The following TBC1D1 variants were observed in gnomAD, a reference collection of about 807,000 sequenced individuals.
The protein encoded by TBC1D1 is TBC1 (tre-2/USP6, BUB2, cdc16) domain family, member 1.
Under a neutral mutation model 125.6 loss-of-function variants are expected in TBC1D1, and 89 were observed. The ratio of observed to expected loss-of-function variants is 0.71; its 90% CI spans 0.60 to 0.85. TBC1D1 has a LOEUF of 0.85. Ranked by LOEUF, TBC1D1 falls within the 40% of genes least tolerant of loss-of-function variation. The pLI, the probability that TBC1D1 is intolerant of heterozygous loss-of-function variation, is 0.00. For synonymous variants in TBC1D1, 565 were observed against 564.1 expected, an observed-to-expected ratio of 1.00 and a Z score of -0.02; for missense variants, 1,377 against 1,469.2, an observed-to-expected ratio of 0.94 and a Z score of 1.03.
At chr4:38,007,308 G>C (rs138662088) in intron 2 of TBC1D1, among the ~76,000 whole-genome samples, 1 of 151,480 alleles carries the variant, frequency 6.6e-6, no homozygotes, top group South Asian at 2.1e-4. Context: ...GCTGGAGTGC[G>C]GTGGTGAGAT....
chr4:38,040,115 G>A (rs370686229), intron 8 of TBC1D1, among the ~76,000 whole-genome samples: 5 of 152,096 alleles, frequency 3.3e-5, no homozygotes, highest in Admixed American at 6.5e-5. Context: ...GGCAATAGAC[G>A]TGGAAAAGAC....
chr4:38,065,233 C>T (rs936965176), intron 12 of TBC1D1, among the ~76,000 whole-genome samples: 2 of 152,114 alleles, frequency 1.3e-5, no homozygotes, highest in Non-Finnish European at 2.9e-5. Flanking sequence ...TAGGTGTGAG[C>T]CACTGCACCC....
In TBC1D1 at chr4:38,118,127, C is replaced by T; in HGVS notation, c.2897C>T (p.Ala966Val). The change falls in exon 17 of 20, where the codon GCT becomes GTT. Residue 966 changes from alanine to valine, a missense_variant. Physicochemically the swap from Ala to Val is moderately conservative, Grantham distance 64 (BLOSUM62 0). Transcript: ENST00000261439. ...CACGAGATCGGCCCCAGCCTCTACGCTGCCCCCTGGTTCCTCACCATGTTT... is the reference window on the plus strand; with the variant it reads ...CACGAGATCGGCCCCAGCCTCTACGTTGCCCCCTGGTTCCTCACCATGTTT... 1 of 1,614,244 alleles carries T rather than the reference C, an allele frequency of 6.2e-7. No individual in the cohort carries two copies. The highest frequency in any genetic ancestry group is 8.5e-7 in the Non-Finnish European group (1 of 1,180,052).
chr4:37,982,753 T>TC (rs1734594494), intron 2 of TBC1D1, among the ~76,000 whole-genome samples: 1 of 152,252 alleles, frequency 6.6e-6, no homozygotes, highest in African/African-American at 2.4e-5. Flanking sequence ...AGACAAATTC[T>TC]TTAATCTGAT....
intron 12 of TBC1D1, among the ~76,000 whole-genome samples, chr4:38,082,539 A>G (rs910131624): frequency 6.6e-6 from 1 of 152,226 alleles, no homozygotes; most frequent in Non-Finnish European, 1.5e-5. Context: ...AGCTCCTCAA[A>G]AAATACAGCT....
chr4:38,020,782 A>G (rs892591269), intron 5 of TBC1D1, 87 bp downstream of exon 5: 2 of 1,107,006 alleles, frequency 1.8e-6, no homozygotes, highest in East Asian at 2.5e-5. Flanking sequence ...AGGGAAAACC[A>G]GATGGTCATT....
At chr4:37,952,808 A>G (rs1728166296) in intron 2 of TBC1D1, 2 of 152,282 alleles carry the variant, frequency 1.3e-5, no homozygotes, top group African/African-American at 4.8e-5. Flanking sequence ...TTCAAAAGGG[A>G]AAAATAAAAT....
chr4:37,971,681 A>C (rs1732060893), intron 2 of TBC1D1, among the ~76,000 whole-genome samples: 1 of 152,110 alleles, frequency 6.6e-6, no homozygotes, highest in South Asian at 2.1e-4. Flanking sequence ...GAGCAACTAT[A>C]TATATATATT....
Position 38,021,667 on chromosome 4 carries a change from T to A in TBC1D1, c.1159T>A (p.Cys387Ser), listed in dbSNP as rs750580743. The change falls in exon 6 of 20, where the codon TGT (cysteine) becomes AGT (serine). Residue 387 changes from cysteine (C) to serine (S), a missense_variant. By Grantham distance (112) the Cys-to-Ser change is moderately radical. This residue lies in a region of TBC1D1 where 822 missense variants were observed against 824.6 expected (regional missense o/e 1.00). Coordinates refer to ENST00000261439, the MANE Select transcript of TBC1D1 (RefSeq NM_015173.4). ...GACAGCTAAGGCGCCAGCCCAGCTG[T>A]GTGAGGGCTGCCCCCTGCAAAGCCT... is the stretch of plus-strand genomic sequence containing the variant. 1.9e-6 allele frequency: 3 copies of A among 1,598,350 alleles called. No individual in the cohort carries two copies. In the African/African-American group the frequency reaches 4.0e-5, roughly 21 times the overall value.
chr4:38,006,150 A>G (rs1172641480), intron 2 of TBC1D1, among the ~76,000 whole-genome samples: 1 of 151,996 alleles, frequency 6.6e-6, no homozygotes, highest in Non-Finnish European at 1.5e-5. Flanking sequence ...ATTTTATTAA[A>G]TCTCCTTTTT....
At chr4:38,129,297 G>C (rs1359579248) in intron 18 of TBC1D1, among the ~76,000 whole-genome samples, 1 of 152,154 alleles carries the variant, frequency 6.6e-6, no homozygotes, top group South Asian at 2.1e-4. Flanking sequence ...TTCTGCCTGT[G>C]GGGGAGCCGT....
chr4:38,098,683 G>A (rs1468198152), intron 14 of TBC1D1, among the ~76,000 whole-genome samples: 1 of 152,214 alleles, frequency 6.6e-6, no homozygotes, highest in African/African-American at 2.4e-5. Flanking sequence ...CCAAACAAAT[G>A]AGGGCGGTCT....
At chr4:38,097,100 C>A (rs573473346) in intron 14 of TBC1D1, among the ~76,000 whole-genome samples, 80 of 152,258 alleles carry the variant, frequency 5.3e-4, no homozygotes, top group Non-Finnish European at 9.3e-4. Flanking sequence ...ATAAGGGTTT[C>A]AAGTATGTAT....
At chr4:37,958,676 C>T (rs1362208765) in intron 2 of TBC1D1, among the ~76,000 whole-genome samples, 1 of 152,118 alleles carries the variant, frequency 6.6e-6, no homozygotes, top group Non-Finnish European at 1.5e-5. Context: ...TTAATTATTT[C>T]TGCCCCAATT....
intron 6 of TBC1D1, among the ~76,000 whole-genome samples, chr4:38,025,931 C>A (rs1744993178): frequency 6.6e-6 from 1 of 152,168 alleles, no homozygotes; most frequent in Admixed American, 6.5e-5. Context: ...ATTGCAGCCA[C>A]CTGAGTGTCA....
chr4:37,932,462 G>C (rs1473719647), intron 2 of TBC1D1, among the ~76,000 whole-genome samples: 1 of 152,148 alleles, frequency 6.6e-6, no homozygotes, highest in Non-Finnish European at 1.5e-5. Flanking sequence ...AAAGACACTA[G>C]AAAATTTAAA....
At chr4:37,925,092 C>T (rs1049837460) in intron 2 of TBC1D1, among the ~76,000 whole-genome samples, 2 of 152,192 alleles carry the variant, frequency 1.3e-5, no homozygotes, top group South Asian at 4.1e-4. Context: ...CTCTCCAAGC[C>T]GTGAAGGAAC....
At chr4:38,088,269 A>C (rs1384749490) in intron 12 of TBC1D1, among the ~76,000 whole-genome samples, 4 of 152,218 alleles carry the variant, frequency 2.6e-5, no homozygotes, top group Admixed American at 1.3e-4. Flanking sequence ...TCCTAAGTAT[A>C]CAGGGTTTGG....
At chr4:37,947,613 A>G (rs1422312570) in intron 2 of TBC1D1, among the ~76,000 whole-genome samples, 1 of 152,152 alleles carries the variant, frequency 6.6e-6, no homozygotes, top group Non-Finnish European at 1.5e-5. Context: ...GCACCACTGC[A>G]CTTCATTAAT....
Sources: allele counts gnomAD v4.1 joint callset (sites outside exome capture counted in the v4.1 genomes callset), GRCh38; gene constraint gnomAD v4.1.1; regional missense constraint gnomAD v4.1.1; transcripts MANE v1.5; gene names NCBI Gene and HGNC (gene_info 2026-07-23, HGNC 2026-07-21).